SCFD2: variants seen among roughly 807,000 people sequenced by gnomAD.
The protein encoded by SCFD2 is sec1 family domain containing 2.
Under a neutral mutation model 58.9 loss-of-function variants are expected in SCFD2, and 54 were observed. The observed-to-expected ratio is 0.92, with a 90% CI of 0.74 to 1.15. SCFD2 has a LOEUF of 1.15. Ranked by LOEUF, SCFD2 falls within the 50% of genes most tolerant of loss-of-function variation. The pLI, the probability that SCFD2 is intolerant of heterozygous loss-of-function variation, is 0.00. For missense variants in SCFD2, 805 were observed against 836.6 expected, an observed-to-expected ratio of 0.96 and a Z score of 0.47; for synonymous variants, 321 against 335.9, an observed-to-expected ratio of 0.96 and a Z score of 0.49.
chr4:52,993,265 G>A (rs1384315539), intron 5 of SCFD2, among the ~76,000 whole-genome samples: 5 of 151,290 alleles, frequency 3.3e-5, no homozygotes, highest in East Asian at 3.9e-4. Flanking sequence ...GCGGAAGGCC[G>A]CAGGGTCCTC....
chr4:53,350,647 C>T (rs1734189438), intron 2 of SCFD2, among the ~76,000 whole-genome samples: 1 of 152,140 alleles, frequency 6.6e-6, no homozygotes, highest in Admixed American at 6.6e-5. Flanking sequence ...ATTCAAGAGC[C>T]TAGCTCTTCT....
chr4:53,308,005 G>A (rs1023008648), intron 3 of SCFD2, among the ~76,000 whole-genome samples: 3 of 152,316 alleles, frequency 2.0e-5, no homozygotes, highest in East Asian at 1.9e-4. Context: ...TGGGCAAGCT[G>A]AAGTGTGGTC....
chr4:53,029,985 A>G (rs1486765018), intron 5 of SCFD2, among the ~76,000 whole-genome samples: 5 of 152,228 alleles, frequency 3.3e-5, no homozygotes, highest in African/African-American at 1.2e-4. Flanking sequence ...TAAATTGAAT[A>G]TAATAAAAAT....
intron 5 of SCFD2, among the ~76,000 whole-genome samples, chr4:53,136,475 T>C (rs1385661670): frequency 6.6e-6 from 1 of 152,198 alleles, no homozygotes; most frequent in Non-Finnish European, 1.5e-5. Flanking sequence ...CCAAAAAGTA[T>C]ACTTTGATGG....
At chr4:53,272,716 G>T (rs1731211891) in intron 4 of SCFD2, among the ~76,000 whole-genome samples, 1 of 152,002 alleles carries the variant, frequency 6.6e-6, no homozygotes, top group Non-Finnish European at 1.5e-5. Context: ...TGGGGGGAAG[G>T]GGAGAGGGAT....
At chr4:53,331,154 G>T (rs1349561432) in intron 2 of SCFD2, among the ~76,000 whole-genome samples, 199 of 151,662 alleles carry the variant, frequency 1.3e-3, no homozygotes, top group African/African-American at 4.4e-3. Context: ...ATGGGAGACT[G>T]TAACACCCCA....
chr4:53,089,798 G>T (rs1724419192), intron 5 of SCFD2, among the ~76,000 whole-genome samples: 1 of 152,104 alleles, frequency 6.6e-6, no homozygotes. Context: ...TCTTAAATTA[G>T]TTTTGGAATC....
intron 6 of SCFD2, among the ~76,000 whole-genome samples, chr4:52,914,425 C>T (rs1441208425): frequency 1.3e-5 from 2 of 152,204 alleles, no homozygotes; most frequent in Non-Finnish European, 2.9e-5. Context: ...GAATCTAGCT[C>T]TCTCACTCCT....
At position 53,303,891 on chromosome 4, in the gene SCFD2, G is replaced by T. The variant is rs567995204; in HGVS notation, c.1135+9745C>A. Among the ~76,000 whole-genome samples the T allele has an allele frequency of 3.5e-5, 5 of 143,220 alleles. No homozygotes were observed. The South Asian group carries it at 8.9e-4, about 26-fold the overall frequency. The allele number at this position is 143,220 out of a possible 152,430, so 94.0% of individuals were successfully genotyped here. On this transcript the variant is annotated intron_variant, in intron 3 of 8. Coordinates refer to ENST00000401642, the MANE Select transcript of SCFD2 (RefSeq NM_152540.4). Reference sequence around the variant, plus strand: ...ACCGCATGTTCTCACTCATAGGTGAGAATTGAACAATGAGAACACATGGAC... The same window carrying T: ...ACCGCATGTTCTCACTCATAGGTGATAATTGAACAATGAGAACACATGGAC...
chr4:53,187,503 A>T (rs1727772234), intron 4 of SCFD2, among the ~76,000 whole-genome samples: 1 of 152,178 alleles, frequency 6.6e-6, no homozygotes, highest in African/African-American at 2.4e-5. Context: ...ATATGCACAA[A>T]GATGTAAACT....
Position 53,245,672 on chromosome 4 carries a change from A to G in SCFD2, c.1311+28154T>C, listed in dbSNP as rs556747745. Among the ~76,000 whole-genome samples, 35 of 152,244 alleles carry G rather than the reference A, an allele frequency of 2.3e-4. No homozygotes were observed. In the South Asian group the frequency reaches 5.4e-3, roughly 23 times the overall value. On this transcript the variant is annotated intron_variant, in intron 4 of 8. Transcript: ENST00000401642. ...ACTAGGTATTGCAGGAATATACCTC[A>G]TACAAACTAGGTATTGAAGGAACAT...
chr4:53,189,132 C>A (rs144338932), intron 4 of SCFD2, among the ~76,000 whole-genome samples: 1 of 152,208 alleles, frequency 6.6e-6, no homozygotes, highest in African/African-American at 2.4e-5. Context: ...AAGCACGTTC[C>A]TTTTGCTGGA....
intron 5 of SCFD2, among the ~76,000 whole-genome samples, chr4:52,922,493 T>C (rs1242954119): frequency 6.6e-6 from 1 of 152,206 alleles, no homozygotes; most frequent in Non-Finnish European, 1.5e-5. Flanking sequence ...GTTTTCAGGG[T>C]TCATCCAAGT....
chr4:53,039,950 C>G (rs1292926345), intron 5 of SCFD2, among the ~76,000 whole-genome samples: 1 of 152,160 alleles, frequency 6.6e-6, no homozygotes, highest in African/African-American at 2.4e-5. Flanking sequence ...TTTGGAATCA[C>G]TTATTTGACA....
chr4:53,313,290 T>G (rs545629022), intron 3 of SCFD2, among the ~76,000 whole-genome samples: 55 of 152,138 alleles, frequency 3.6e-4, no homozygotes, highest in African/African-American at 1.2e-3. Flanking sequence ...ATAAGTGGGG[T>G]AATAGGGGAA....
intron 4 of SCFD2, among the ~76,000 whole-genome samples, chr4:53,211,943 C>A (rs1728625793): frequency 6.6e-6 from 1 of 152,106 alleles, no homozygotes. Flanking sequence ...TTAGACCATA[C>A]ACTGGAAAAC....
chr4:53,006,052 T>C (rs1372684008), intron 5 of SCFD2, among the ~76,000 whole-genome samples: 1 of 152,216 alleles, frequency 6.6e-6, no homozygotes, highest in Non-Finnish European at 1.5e-5. Flanking sequence ...CACTGCCTCA[T>C]GACTGCAATC....
chr4:53,046,273 T>C (rs1723036317), intron 5 of SCFD2, among the ~76,000 whole-genome samples: 1 of 152,208 alleles, frequency 6.6e-6, no homozygotes, highest in Non-Finnish European at 1.5e-5. Flanking sequence ...CAGGCTACAG[T>C]GCAGTGGTGT....
intron 5 of SCFD2, among the ~76,000 whole-genome samples, chr4:52,922,047 T>C (rs749142041): frequency 1.3e-5 from 2 of 152,094 alleles, no homozygotes; most frequent in Non-Finnish European, 2.9e-5. Flanking sequence ...TTAGTGGCTT[T>C]CCTTCCTCCC....
Sources: gnomAD v4.1 joint callset for allele counts (sites outside exome capture counted in the v4.1 genomes callset) on GRCh38, gnomAD v4.1.1 for gene constraint, MANE v1.5 for transcripts, NCBI Gene and HGNC (gene_info 2026-07-23, HGNC 2026-07-21) for gene names.